Variants in EP400 observed in about 807,000 individuals in gnomAD.
The protein encoded by EP400 is E1A binding protein p400.
Under a neutral mutation model 354.1 loss-of-function variants are expected in EP400, and 105 were observed. The ratio of observed to expected loss-of-function variants is 0.30; its 90% CI spans 0.25 to 0.35. The LOEUF is 0.35. EP400 is among the 10% of genes least tolerant of loss of function. EP400 has a pLI of 1.00. For missense variants in EP400, 3,280 were observed against 4,121.0 expected (o/e 0.80, Z 5.59); for synonymous variants, 1,646 against 1,716.9 (o/e 0.96, Z 1.02).
intron 21 of EP400, among the ~76,000 whole-genome samples, chr12:132,019,790 G>A (rs1312336935): frequency 6.6e-6 from 1 of 152,174 alleles, no homozygotes; most frequent in Non-Finnish European, 1.5e-5. Context: ...ATTCACCCTT[G>A]TATTCCCAGG....
rs924471879 is a variant in EP400 at position 132,018,120 on chromosome 12, G to A, written c.4111-90G>A. On this transcript the variant is annotated intron_variant, in intron 20 of 52. Coordinates refer to ENST00000389561, the MANE Select transcript of EP400 (RefSeq NM_015409.5). This position sits in a 1 kb window ranked among gnomAD's most constrained non-coding sequence, Gnocchi z 4.0. ...AGAGGGGGCGCGTCTGGATGCCCAC[G>A]TTAGGGCCCTGCCATAGAAATCAGT... is the stretch of plus-strand genomic sequence containing the variant. 5.2e-5 allele frequency: 80 copies of A among 1,552,858 alleles called. 1 individual carries two copies. The East Asian group carries it at 1.1e-3, about 21-fold the overall frequency.
chr12:132,045,459 G>T lies in EP400; in HGVS notation c.6925G>T (p.Val2309Leu). The T allele has an allele frequency of 1.2e-6, 2 of 1,614,196 alleles. No individual in the cohort carries two copies. Among genetic ancestry groups the T allele is most frequent in the Non-Finnish European group, 1.7e-6 (2 of 1,180,044 alleles). The change falls in exon 38 of 53, where the codon GTG becomes TTG. Residue 2309 changes from valine (V) to leucine (L), a missense_variant. Transcript: ENST00000389561. ...GAAGAATATTCTGCTGAAGCAGCAG[G>T]TGCCATTCGCCAAGCCCCTGCCAAC... is the stretch of plus-strand genomic sequence containing the variant. ...QKKNILLKQQ[V>L]PFAKPLPTFA...
chr12:132,077,679 G>A lies in EP400; in HGVS notation c.*6G>A, dbSNP rs754701435. ...CTAAGCCTCCGTGCCAGTAGTCAGGGCAGCAGGGCTGCCTCTCATCTAAAG... is the reference window on the plus strand; with the variant it reads ...CTAAGCCTCCGTGCCAGTAGTCAGGACAGCAGGGCTGCCTCTCATCTAAAG... On this transcript the variant is annotated 3_prime_UTR_variant, in exon 53 of 53. Transcript: ENST00000389561. 7 of 1,588,732 alleles carry A rather than the reference G, an allele frequency of 4.4e-6. No individual in the cohort carries two copies. The highest frequency in any genetic ancestry group is 5.1e-6 in the Non-Finnish European group (6 of 1,167,300).
At position 132,006,206 on chromosome 12, in the gene EP400, G is replaced by A; in HGVS notation, c.3030G>A (p.Arg1010=). The A allele has an allele frequency of 6.2e-7, 1 of 1,614,224 alleles. No individual in the cohort carries two copies. The highest frequency in any genetic ancestry group is 8.5e-7 in the Non-Finnish European group (1 of 1,180,056). Reference sequence around the variant, plus strand: ...TGGATCAGTTCAAAGCTGCCGAGAGGATGAATATCGGGAAGCCAAACGCCA... The same window carrying A: ...TGGATCAGTTCAAAGCTGCCGAGAGAATGAATATCGGGAAGCCAAACGCCA... ...FIMDQFKAAE[R]MNIGKPNAKD... The change falls in exon 14 of 53, where the codon AGG becomes AGA. Residue 1010 remains arginine, a synonymous_variant. Transcript: ENST00000389561.
chr12:132,032,406 C>A (rs1414179540), intron 30 of EP400, among the ~76,000 whole-genome samples: 1 of 152,192 alleles, frequency 6.6e-6, no homozygotes, highest in Non-Finnish European at 1.5e-5. Context: ...TATTTATACT[C>A]AACATTTGCT....
Position 131,963,454 on chromosome 12 carries a change from C to G in EP400, c.1335+1500C>G, listed in dbSNP as rs1891969553. ...TAAACCCCAAATGTCAGTGAGCTAT[C>G]AGCAATAAAATTCTAACAAAATTTT... On this transcript the variant is annotated intron_variant, in intron 2 of 52. Coordinates refer to ENST00000389561, the MANE Select transcript of EP400 (RefSeq NM_015409.5). 32 of 1,035,830 alleles carry G rather than the reference C, an allele frequency of 3.1e-5. 1 individual carries two copies. The South Asian group carries it at 3.7e-4, about 12-fold the overall frequency. The allele number at this position is 1,035,830 out of a possible 1,614,324, so 64.2% of individuals were successfully genotyped here. A position where few individuals can be genotyped will look rare whatever the true frequency, so the allele number is the denominator to read the frequency against.
In EP400 at chr12:132,070,158, G is replaced by T. The variant is rs1269246362; in HGVS notation, c.9021+517G>T. 6.6e-6 allele frequency among the ~76,000 whole-genome samples: 1 copy of T among 152,030 alleles called. No individual in the cohort carries two copies. Among genetic ancestry groups the T allele is most frequent in the Non-Finnish European group, 1.5e-5 (1 of 68,016 alleles). On this transcript the variant is annotated intron_variant, in intron 51 of 52. Coordinates refer to ENST00000389561, the MANE Select transcript of EP400 (RefSeq NM_015409.5). The surrounding 1 kb of genome is among the most constrained non-coding windows in gnomAD (Gnocchi z 4.1). ...ATCCTTCTCTAAGAGCGGGGGAGTG[G>T]TACCTTCTTAGCTGGTCTTCCACCC...
At chr12:131,972,629 A>G (rs932794828) in intron 2 of EP400, among the ~76,000 whole-genome samples, 2 of 152,120 alleles carry the variant, frequency 1.3e-5, no homozygotes, top group African/African-American at 4.8e-5. Flanking sequence ...TTTATTTATA[A>G]AAAGATAAAA....
chr12:132,079,136 A>C lies in EP400; in HGVS notation c.*1463A>C, dbSNP rs1414824005. 6.6e-6 allele frequency: 1 copy of C among 152,234 alleles called. No individual in the cohort carries two copies. Among genetic ancestry groups the C allele is most frequent in the Non-Finnish European group, 1.5e-5 (1 of 68,040 alleles). 9.4% of individuals were successfully genotyped at this position (152,234 alleles called of 1,614,324 possible). On this transcript the variant is annotated 3_prime_UTR_variant, in exon 53 of 53. Transcript: ENST00000389561. ...TGCTTCCTCCCCATTCTCTCACTTT[A>C]AGTGACATTGAGGAAGGTATTCTGT...
chr12:132,061,952 A>G (rs1196621799), intron 45 of EP400, among the ~76,000 whole-genome samples, 158 bp from the exon 46 acceptor site: 1 of 152,222 alleles, frequency 6.6e-6, no homozygotes, highest in African/African-American at 2.4e-5. Context: ...TTGTGAATTT[A>G]CACATGAAAT....
intron 15 of EP400, among the ~76,000 whole-genome samples, chr12:132,011,172 TC>T (rs1334295675): frequency 1.3e-5 from 2 of 152,322 alleles, no homozygotes; most frequent in Admixed American, 6.5e-5. Context: ...GTTACTCGTT[TC>T]CCCTGGGATC....
At position 132,011,516 on chromosome 12, in the gene EP400, T is replaced by A; in HGVS notation, c.3323T>A (p.Leu1108His). The change falls in exon 16 of 53, where the codon CTT becomes CAT. Residue 1108 changes from leucine (L) to histidine (H), a missense_variant. Leu to His is a moderately conservative substitution (Grantham distance 99). This residue lies in a region of EP400 where 242 missense variants were observed against 357.9 expected (regional missense o/e 0.68). Transcript: ENST00000389561. ...ACNEGNWGPH[L>H]VVVRSCNILK... Reference sequence around the variant, plus strand: ...TTTGTAGGTAATTGGGGCCCCCATCTTGTTGTTGTGAGAAGTTGTAACATA... The same window carrying A: ...TTTGTAGGTAATTGGGGCCCCCATCATGTTGTTGTGAGAAGTTGTAACATA... The A allele has an allele frequency of 1.2e-6, 2 of 1,612,628 alleles. No individual in the cohort carries two copies. The highest frequency in any genetic ancestry group is 1.7e-6 in the Non-Finnish European group (2 of 1,179,710).
intron 13 of EP400, among the ~76,000 whole-genome samples, chr12:132,005,461 T>C (rs1260358253): frequency 6.6e-6 from 1 of 152,246 alleles, no homozygotes; most frequent in Non-Finnish European, 1.5e-5. Flanking sequence ...GACCTAGATA[T>C]ATTTATTCAG....
At position 131,991,383 on chromosome 12, in the gene EP400, G is replaced by A. The variant is rs756827194; in HGVS notation, c.2630-24G>A. 20 of 1,613,402 alleles carry A rather than the reference G, an allele frequency of 1.2e-5. No individual in the cohort carries two copies. In the Admixed American group the frequency reaches 1.3e-4, roughly 11 times the overall value. ...GCCAAGCATGGGGGGCCTTGGGAAC[G>A]AACTGTGCTCCTTGTCTCTCTAGGG... On this transcript the variant is annotated intron_variant, in intron 9 of 52. Transcript: ENST00000389561.
intron 12 of EP400, among the ~76,000 whole-genome samples, chr12:132,000,001 G>T (rs1893354493): frequency 6.8e-6 from 1 of 147,186 alleles, no homozygotes. Context: ...TTTTAATCTG[G>T]CGCCTGTATA....
rs140945673 is a variant in EP400 at position 132,054,872 on chromosome 12, G to T, written c.7729-102G>T. The T allele has an allele frequency of 3.9e-4, 483 of 1,228,474 alleles. 1 individual carries two copies. Among genetic ancestry groups the T allele is most frequent in the African/African-American group, 3.8e-3 (257 of 66,974 alleles). 76.1% of individuals were successfully genotyped at this position (1,228,474 alleles called of 1,614,324 possible). A position where few individuals can be genotyped will look rare whatever the true frequency, so the allele number is the denominator to read the frequency against. On this transcript the variant is annotated intron_variant, in intron 43 of 52. Coordinates refer to ENST00000389561, the MANE Select transcript of EP400 (RefSeq NM_015409.5). The surrounding 1 kb of genome is among the most constrained non-coding windows in gnomAD (Gnocchi z 4.0). ...TGGGACAGGTGGCTGTGTGAATGTC[G>T]TGGAGTTTGGATTTGATTCTGAATG...
At position 132,077,434 on chromosome 12, in the gene EP400, A is replaced by G. The variant is rs1565938672; in HGVS notation, c.9133A>G (p.Thr3045Ala). ...SPQTVALTQA[T>A]AAGQQVQMIP... ...ACAGACTGTGGCGCTCACGCAGGCG[A>G]CGGCGGCCGGGCAGCAGGTGCAGAT... Residue 3045 changes from threonine (T) to alanine (A), a missense_variant, in exon 53 of 53, where the codon ACG (threonine) becomes GCG (alanine). Physicochemically the swap from Thr to Ala is moderately conservative, Grantham distance 58. Around this residue, in one of 20 missense-constraint regions of EP400, gnomAD observed 279 missense variants for 386.7 expected, o/e 0.72. Coordinates refer to ENST00000389561, the MANE Select transcript of EP400 (RefSeq NM_015409.5). The G allele has an allele frequency of 6.2e-7, 1 of 1,612,706 alleles. No homozygotes were observed. The highest frequency in any genetic ancestry group is 8.5e-7 in the Non-Finnish European group (1 of 1,179,890).
At position 131,982,432 on chromosome 12, in the gene EP400, C is replaced by T. The variant is rs143247158; in HGVS notation, c.1883C>T (p.Pro628Leu). ...PAQLALHVPT[P>L]GKVQVQASQL... ...CAGCTGGCCCTCCACGTTCCCACAC[C>T]TGGAAAGGTGCAGGTGCAGGCCTCT... Residue 628 changes from proline to leucine, a missense_variant, in exon 5 of 53, where the codon CCT (proline) becomes CTT (leucine). Pro to Leu is a moderately conservative substitution (Grantham distance 98). This residue lies in a region of EP400 where 800 missense variants were observed against 840.0 expected (regional missense o/e 0.95). Transcript: ENST00000389561. The T allele has an allele frequency of 1.4e-4, 224 of 1,613,908 alleles. No individual in the cohort carries two copies. Among genetic ancestry groups the T allele is most frequent in the Non-Finnish European group, 1.9e-4 (221 of 1,179,916 alleles).
chr12:132,024,888 C>T (rs1410456098), intron 24 of EP400, among the ~76,000 whole-genome samples: 2 of 151,800 alleles, frequency 1.3e-5, no homozygotes, highest in Non-Finnish European at 2.9e-5. Context: ...GCCTCAGCGA[C>T]TGCCTTCCCC....
Sources: gnomAD v4.1 joint callset for allele counts (sites outside exome capture counted in the v4.1 genomes callset) on GRCh38, gnomAD v4.1.1 for gene constraint, gnomAD v4.1.1 regional missense constraint, Gnocchi (gnomAD v3.1) non-coding constraint, MANE v1.5 for transcripts, NCBI Gene and HGNC (gene_info 2026-07-23, HGNC 2026-07-21) for gene names.